RANBP2: variants seen among roughly 807,000 people sequenced by gnomAD.
The protein encoded by RANBP2 is RAN binding protein 2.
In RANBP2, 57 loss-of-function variants were observed where a neutral mutation model predicts 303.6. The ratio of observed to expected loss-of-function variants is 0.19; its 90% CI spans 0.15 to 0.23. The LOEUF (loss-of-function observed/expected upper bound fraction) is 0.23, where lower values mean the gene tolerates loss of function less well. Ranked by LOEUF, RANBP2 falls within the 10% of genes least tolerant of loss-of-function variation. The pLI, the probability that RANBP2 is intolerant of heterozygous loss-of-function variation, is 1.00. For synonymous variants in RANBP2, 1,167 were observed against 1,301.5 expected (o/e 0.90, Z 2.23); for missense variants, 3,138 against 3,780.8 (o/e 0.83, Z 4.46).
In RANBP2 at chr2:108,719,679, G is replaced by C; in HGVS notation, c.72+1G>C. 1 of 1,604,468 alleles carries C rather than the reference G, an allele frequency of 6.2e-7. No individual in the cohort carries two copies. On this transcript the variant is annotated splice_donor_variant, in intron 1 of 28. Coordinates refer to ENST00000283195, the MANE Select transcript of RANBP2 (RefSeq NM_006267.5). LOFTEE classifies it high-confidence loss of function. The stretch of plus-strand genomic sequence containing the variant: ...GGGCTCCACCCCGTCGCCTCGACAG[G>C]TGAGTGGGTCTCGAAGAGACCGACG...
At chr2:108,983,531 C>A in the RANBP2 span, among the ~76,000 whole-genome samples, 45 of 152,262 alleles carry the variant, frequency 3.0e-4, no homozygotes, top group Middle Eastern at 3.4e-3. Context: ...TTCATCAGAC[C>A]CCAACCAGAC....
At chr2:109,200,755 C>T in the RANBP2 span, among the ~76,000 whole-genome samples, 1 of 152,214 alleles carries the variant, frequency 6.6e-6, no homozygotes, top group South Asian at 2.1e-4. Flanking sequence ...CCCTCATGCC[C>T]ACTCCATGAC....
At chr2:108,729,603 T>C (rs1392679122) in intron 2 of RANBP2, among the ~76,000 whole-genome samples, 1 of 152,134 alleles carries the variant, frequency 6.6e-6, no homozygotes. Flanking sequence ...ATAAAAGATG[T>C]TTAATTGACA....
the RANBP2 span, among the ~76,000 whole-genome samples, chr2:109,278,776 A>G: frequency 6.6e-6 from 1 of 152,118 alleles, no homozygotes; most frequent in Admixed American, 6.5e-5. Flanking sequence ...ACTGAAACCC[A>G]TGTTACCCTT....
At chr2:109,223,011 G>C in the RANBP2 span, among the ~76,000 whole-genome samples, 8 of 152,216 alleles carry the variant, frequency 5.3e-5, no homozygotes, top group Non-Finnish European at 1.5e-5. Flanking sequence ...AGGGTGAAGA[G>C]GGCACTGTCC....
the RANBP2 span, among the ~76,000 whole-genome samples, chr2:109,390,882 C>G: frequency 6.6e-6 from 1 of 152,172 alleles, no homozygotes. Context: ...CCCCTGAATT[C>G]TCTAGAGGGT....
chr2:108,873,493 T>C, the RANBP2 span: 1 of 1,608,700 alleles, frequency 6.2e-7, no homozygotes, highest in African/African-American at 1.3e-5. Context: ...AACTCTTTAT[T>C]TTTTCGTACT....
the RANBP2 span, among the ~76,000 whole-genome samples, chr2:109,011,745 A>G: frequency 6.6e-6 from 1 of 151,974 alleles, no homozygotes; most frequent in Non-Finnish European, 1.5e-5. Flanking sequence ...TTCCTCACTC[A>G]CCTTTACTTG....
the RANBP2 span, among the ~76,000 whole-genome samples, chr2:109,591,574 G>A: frequency 1.3e-5 from 2 of 152,186 alleles, no homozygotes; most frequent in African/African-American, 4.8e-5. Context: ...AGTTATTGGA[G>A]CACAGAACTA....
rs1677072742 is a variant in RANBP2, at chr2:108,765,770, G to A, written c.5231G>A (p.Cys1744Tyr). 9 of 1,613,884 alleles carry A rather than the reference G, an allele frequency of 5.6e-6. No individual in the cohort carries two copies. Among genetic ancestry groups the A allele is most frequent in the Middle Eastern group, 1.6e-4 (1 of 6,084 alleles). The change falls in exon 20 of 29, where the codon TGT (cysteine) becomes TAT (tyrosine). Residue 1744 changes from cysteine to tyrosine, a missense_variant. Coordinates refer to ENST00000283195, the MANE Select transcript of RANBP2 (RefSeq NM_006267.5). The part of the protein sequence containing the change: ...LVRNEASATK[C>Y]IACQCPSKQN... ...AGAAATGAAGCCAGTGCTACCAAAT[G>A]TATTGCTTGTCAGTGTCCAAGTAAA...
chr2:109,489,790 T>C, the RANBP2 span, among the ~76,000 whole-genome samples: 36 of 151,668 alleles, frequency 2.4e-4, no homozygotes, highest in East Asian at 1.4e-3. Context: ...CAGGCTGGAG[T>C]GCAGTGGCGC....
the RANBP2 span, among the ~76,000 whole-genome samples, chr2:109,349,290 C>G: frequency 6.6e-6 from 1 of 152,174 alleles, no homozygotes; most frequent in Admixed American, 6.5e-5. Flanking sequence ...AATGAATAAT[C>G]TATTTTTCAT....
chr2:109,718,394 T>C, the RANBP2 span, among the ~76,000 whole-genome samples: 1 of 152,188 alleles, frequency 6.6e-6, no homozygotes, highest in Non-Finnish European at 1.5e-5. Context: ...TAAAAAGGAA[T>C]GAAGTACTAA....
At chr2:109,433,015 T>C in the RANBP2 span, among the ~76,000 whole-genome samples, 1 of 152,266 alleles carries the variant, frequency 6.6e-6, no homozygotes, top group African/African-American at 2.4e-5. Flanking sequence ...GTGTTCAGCG[T>C]GTATGCTATG....
chr2:108,986,927 T>G, the RANBP2 span, among the ~76,000 whole-genome samples: 1 of 152,176 alleles, frequency 6.6e-6, no homozygotes, highest in African/African-American at 2.4e-5. Context: ...TAATGTAAGT[T>G]AATTAATGAT....
the RANBP2 span, among the ~76,000 whole-genome samples, chr2:109,097,425 A>AAAAC: frequency 2.0e-5 from 3 of 152,178 alleles, no homozygotes; most frequent in African/African-American, 4.8e-5. Context: ...GTCCTGCAAA[A>AAAAC]AAACAAACAA....
At chr2:108,838,506 C>T in the RANBP2 span, among the ~76,000 whole-genome samples, 1 of 152,026 alleles carries the variant, frequency 6.6e-6, no homozygotes, top group Non-Finnish European at 1.5e-5. Context: ...CTTCTTAAAT[C>T]GATTTTCTTA....
At chr2:108,724,855 A>T (rs1694567280) in intron 1 of RANBP2, among the ~76,000 whole-genome samples, 1 of 151,472 alleles carries the variant, frequency 6.6e-6, no homozygotes, top group African/African-American at 2.4e-5. Flanking sequence ...TTTGGAGCTG[A>T]TCAGATGGGT....
At chr2:109,354,730 C>T in the RANBP2 span, among the ~76,000 whole-genome samples, 1,880 of 152,364 alleles carry the variant, frequency 0.012, 40 homozygotes, top group African/African-American at 0.038. Flanking sequence ...AGCGTCGGCA[C>T]CCTGCCCCGC....
Sources: gnomAD v4.1 joint callset for allele counts (sites outside exome capture counted in the v4.1 genomes callset) on GRCh38, gnomAD v4.1.1 for gene constraint, MANE v1.5 for transcripts, NCBI Gene and HGNC (gene_info 2026-07-23, HGNC 2026-07-21) for gene names.